Variants in DNAH12 observed in about 807,000 individuals in gnomAD.
DNAH12 encodes dynein axonemal heavy chain 12.
A neutral mutation model predicts 371.5 loss-of-function variants in DNAH12; 285 were observed. The ratio of observed to expected loss-of-function variants is 0.77; its 90% CI spans 0.70 to 0.85. DNAH12 has a LOEUF of 0.85. Among genes scored for constraint, DNAH12 ranks in the 40% least tolerant of loss-of-function variants. DNAH12 has a pLI of 0.00. For missense variants in DNAH12, 3,611 were observed against 3,689.4 expected, an observed-to-expected ratio of 0.98 and a Z score of 0.55; for synonymous variants, 1,200 against 1,213.0, an observed-to-expected ratio of 0.99 and a Z score of 0.22.
chr3:57,349,434 G>C (rs1451129148), intron 60 of DNAH12, among the ~76,000 whole-genome samples: 1 of 152,170 alleles, frequency 6.6e-6, no homozygotes, highest in Non-Finnish European at 1.5e-5. Context: ...GCTAAAAGTA[G>C]ATCTACTGTT....
intron 11 of DNAH12, among the ~76,000 whole-genome samples, chr3:57,500,020 T>C (rs1304292949): frequency 6.7e-6 from 1 of 148,678 alleles, no homozygotes; most frequent in African/African-American, 2.5e-5. Flanking sequence ...TTCAATTGCC[T>C]TTTCCCCACT....
chr3:57,433,555 T>C, intron 31 of DNAH12, 48 bp from the exon 32 acceptor site: 1 of 1,541,494 alleles, frequency 6.5e-7, no homozygotes, highest in Non-Finnish European at 8.7e-7. Context: ...TAAAATTAGA[T>C]TTAGGAGTAA....
chr3:57,331,432 C>A (rs1364027705), intron 62 of DNAH12, among the ~76,000 whole-genome samples: 1 of 152,112 alleles, frequency 6.6e-6, no homozygotes, highest in Non-Finnish European at 1.5e-5. Context: ...TAGTTAGAGT[C>A]ACTGTGTATG....
intron 69 of DNAH12, among the ~76,000 whole-genome samples, chr3:57,307,243 G>GT: frequency 6.6e-6 from 1 of 151,980 alleles, no homozygotes; most frequent in East Asian, 1.9e-4. Context: ...TAGATACCTG[G>GT]TTTTGCCAAA....
Position 57,511,073 on chromosome 3 carries a change from A to G in DNAH12, c.280-94T>C, listed in dbSNP as rs116117716. On this transcript the variant is annotated intron_variant, in intron 4 of 73. Transcript: ENST00000495027. ...CCTTCCTAAGACAACATTTTTTCAGATTAAAAATATTCTGAAAAATAACAT... is the reference window on the plus strand; with the variant it reads ...CCTTCCTAAGACAACATTTTTTCAGGTTAAAAATATTCTGAAAAATAACAT... The G allele has an allele frequency of 3.5e-3, 2,971 of 841,238 alleles. 70 individuals are homozygous for G. The African/African-American group carries it at 0.046, about 13-fold the overall frequency. 52.1% of individuals were successfully genotyped at this position (841,238 alleles called of 1,614,324 possible). A position where few individuals can be genotyped will look rare whatever the true frequency, so the allele number is the denominator to read the frequency against.
In DNAH12 at chr3:57,352,239, G is replaced by T. The variant is rs1553660714; in HGVS notation, c.9534-14C>A. 1.3e-6 allele frequency: 2 copies of T among 1,526,654 alleles called. No homozygotes were observed. The highest frequency in any genetic ancestry group is 1.8e-6 in the Non-Finnish European group (2 of 1,141,138). 94.6% of individuals were successfully genotyped at this position (1,526,654 alleles called of 1,614,324 possible). A position where few individuals can be genotyped will look rare whatever the true frequency, so the allele number is the denominator to read the frequency against. The stretch of plus-strand genomic sequence containing the variant: ...TTGGATTTGTTACTAAAGTTAAAAA[G>T]AAGGAAAACGTATTGTCAAACAAAA... On this transcript the variant is annotated splice_polypyrimidine_tract_variant and intron_variant, in intron 59 of 73. Coordinates refer to ENST00000495027, the MANE Select transcript of DNAH12 (RefSeq NM_001366028.2).
chr3:57,382,188 A>AT (rs1457018649), intron 50 of DNAH12, 74 bp downstream of exon 50: 2 of 152,154 alleles, frequency 1.3e-5, no homozygotes, highest in African/African-American at 4.8e-5. Flanking sequence ...GGTACTGTTG[A>AT]TATTTGATAA....
At chr3:57,441,896 A>G (rs1330966336) in intron 29 of DNAH12, among the ~76,000 whole-genome samples, 1 of 152,216 alleles carries the variant, frequency 6.6e-6, no homozygotes, top group Non-Finnish European at 1.5e-5. Context: ...AACTAGGCAC[A>G]TAGTCAAACT....
chr3:57,446,295 G>A, intron 26 of DNAH12, 25 bp from the exon 27 acceptor site: 2 of 1,537,926 alleles, frequency 1.3e-6, no homozygotes, highest in South Asian at 1.2e-5. Flanking sequence ...AAAGGAAAGT[G>A]ATTTTTTTCT....
At position 57,472,632 on chromosome 3, in the gene DNAH12, G is replaced by A. The variant is rs775112397; in HGVS notation, c.1690C>T (p.Leu564=). 3.8e-5 allele frequency: 59 copies of A among 1,550,576 alleles called. No homozygotes were observed. The African/African-American group carries it at 7.8e-4, about 21-fold the overall frequency. Residue 564 remains leucine (L), a synonymous_variant, in exon 14 of 74, where the codon CTA becomes TTA. Transcript: ENST00000495027. ...RQMSYFLDVF[L]FPQEDLALNA... is the part of the protein sequence containing the mutation. ...AAAGCTAAGTCTTCTTGAGGAAATA[G>A]GAAAACATCTAAAAAGTAACTCATT...
chr3:57,478,267 C>T (rs932582269), intron 13 of DNAH12, among the ~76,000 whole-genome samples: 3 of 152,114 alleles, frequency 2.0e-5, no homozygotes, highest in Non-Finnish European at 4.4e-5. Flanking sequence ...ACAAGAACTA[C>T]GTGACGAATC....
Position 57,458,006 on chromosome 3 carries a change from AG to A in DNAH12, c.3054-4del. ...CATCATTAGATAAGAAGAAAAAACT[AG>A]GGAAAAACATGCAAATACAAAAGTT... On this transcript the variant is annotated splice_polypyrimidine_tract_variant and splice_region_variant and intron_variant, in intron 21 of 73. Coordinates refer to ENST00000495027, the MANE Select transcript of DNAH12 (RefSeq NM_001366028.2). 1 of 1,543,810 alleles carries A rather than the reference AG, an allele frequency of 6.5e-7. No homozygotes were observed. Among genetic ancestry groups the A allele is most frequent in the Non-Finnish European group, 8.7e-7 (1 of 1,143,442 alleles).
chr3:57,458,314 T>C, intron 20 of DNAH12, 94 bp from the exon 21 acceptor site: 2 of 1,320,374 alleles, frequency 1.5e-6, no homozygotes, highest in Non-Finnish European at 2.0e-6. Context: ...AATCTTTTAA[T>C]GTTAAAAGGT....
In DNAH12 at chr3:57,468,872, A is replaced by G; in HGVS notation, c.2213T>C (p.Leu738Pro). 1 of 1,524,754 alleles carries G rather than the reference A, an allele frequency of 6.6e-7. No individual in the cohort carries two copies. The highest frequency in any genetic ancestry group is 8.8e-7 in the Non-Finnish European group (1 of 1,140,588). 94.5% of individuals were successfully genotyped at this position (1,524,754 alleles called of 1,614,324 possible). The change falls in exon 17 of 74, where the codon CTA (leucine) becomes CCA (proline). Residue 738 changes from leucine (L) to proline (P), a missense_variant. Transcript: ENST00000495027. ...FKTLKFFQTK[L>P]KKELQEKRKA... ...TCTTTTTTCTTGTAATTCTTTCTTT[A>G]GCTTCGTTTGGAAAAATTTTAGTGT...
intron 43 of DNAH12, among the ~76,000 whole-genome samples, chr3:57,395,850 G>A (rs2063725289): frequency 6.6e-6 from 1 of 151,988 alleles, no homozygotes; most frequent in Admixed American, 6.6e-5. Context: ...GCAGCTACTA[G>A]GGAGGGTGAG....
At chr3:57,360,987 A>G (rs2062915474) in intron 58 of DNAH12, among the ~76,000 whole-genome samples, 1 of 152,156 alleles carries the variant, frequency 6.6e-6, no homozygotes, top group Non-Finnish European at 1.5e-5. Flanking sequence ...AGTGCAAAAA[A>G]TAACTGCTTG....
rs919728517 is a variant in DNAH12, at chr3:57,401,117, C to A, written c.6948+2192G>T. Among the ~76,000 whole-genome samples, 15 of 151,956 alleles carry A rather than the reference C, an allele frequency of 9.9e-5. 1 individual carries two copies. In the East Asian group the frequency reaches 2.9e-3, roughly 29 times the overall value. ...AACTGTTAATTTAATTGTTAAACAA[C>A]CAGTAAGTCAAAGAAGAAATCACAA... is the stretch of plus-strand genomic sequence containing the variant. On this transcript the variant is annotated intron_variant, in intron 43 of 73. Coordinates refer to ENST00000495027, the MANE Select transcript of DNAH12 (RefSeq NM_001366028.2).
chr3:57,501,122 A>C (rs2067527990), intron 11 of DNAH12, among the ~76,000 whole-genome samples, 199 bp downstream of exon 11: 1 of 152,178 alleles, frequency 6.6e-6, no homozygotes, highest in African/African-American at 2.4e-5. Flanking sequence ...TAGGTGTCTG[A>C]ATGTGATAAG....
intron 40 of DNAH12, among the ~76,000 whole-genome samples, chr3:57,406,293 A>C (rs1308277677): frequency 6.6e-6 from 1 of 150,906 alleles, no homozygotes; most frequent in African/African-American, 2.4e-5. Context: ...GGAGGTAGAC[A>C]TTGCAAAGAG....
Sources: allele counts gnomAD v4.1 joint callset (sites outside exome capture counted in the v4.1 genomes callset), GRCh38; gene constraint gnomAD v4.1.1; transcripts MANE v1.5; gene names NCBI Gene and HGNC (gene_info 2026-07-23, HGNC 2026-07-21).